CCDC18: variants seen among roughly 807,000 people sequenced by gnomAD.
CCDC18 encodes coiled-coil domain-containing protein 18.
CCDC18 carries 157 observed loss-of-function variants against 196.0 expected under a neutral mutation model. That is an observed-to-expected ratio of 0.80 (90% CI 0.70 to 0.91). CCDC18 has a LOEUF of 0.91. Among genes scored for constraint, CCDC18 ranks in the 40% least tolerant of loss-of-function variants. The pLI, the probability that CCDC18 is intolerant of heterozygous loss-of-function variation, is 0.00. For synonymous variants in CCDC18, 482 were observed against 529.2 expected (o/e 0.91, Z 1.22); for missense variants, 1,465 against 1,611.6 (o/e 0.91, Z 1.56).
At chr1:93,184,199 C>T (rs1650234741) in intron 3 of CCDC18, 53 bp downstream of exon 3, 1 of 1,078,190 alleles carries the variant, frequency 9.3e-7, no homozygotes, top group Non-Finnish European at 1.2e-6. Flanking sequence ...TTAGGCCTGT[C>T]TACTTAAAAA....
chr1:93,193,745 G>C lies in CCDC18; in HGVS notation c.698+1G>C. 6.5e-7 allele frequency: 1 copy of C among 1,546,510 alleles called. No homozygotes were observed. The highest frequency in any genetic ancestry group is 8.7e-7 in the Non-Finnish European group (1 of 1,154,046). On this transcript the variant is annotated splice_donor_variant, in intron 6 of 28. Transcript: ENST00000690025. LOFTEE classifies it high-confidence loss of function. ...TTGAACAAACCAAACAAGGAAAAAG[G>C]TATGTGTTTTTAAAGCAAATACATG...
At chr1:93,199,525 AG>A (rs1235702095) in intron 6 of CCDC18, among the ~76,000 whole-genome samples, 2 of 152,216 alleles carry the variant, frequency 1.3e-5, no homozygotes, top group Non-Finnish European at 2.9e-5. Context: ...GCTCCCCTGA[AG>A]GGCTGTAGCT....
chr1:93,240,341 G>A (rs2100839849), intron 21 of CCDC18, among the ~76,000 whole-genome samples: 1 of 152,216 alleles, frequency 6.6e-6, no homozygotes, highest in African/African-American at 2.4e-5. Context: ...AATGCCCCAA[G>A]TCATACAGGT....
Position 93,210,128 on chromosome 1 carries a change from C to A in CCDC18, c.1210-674C>A, listed in dbSNP as rs1655366340. Reference sequence around the variant, plus strand: ...GCTTGATCGTTTGTTTCTTGTAGTGCTAAGAATGACACGATTAGAAAATGT... The same window carrying A: ...GCTTGATCGTTTGTTTCTTGTAGTGATAAGAATGACACGATTAGAAAATGT... On this transcript the variant is annotated intron_variant, in intron 9 of 28. Transcript: ENST00000690025. Among the ~76,000 whole-genome samples, 6 of 152,208 alleles carry A rather than the reference C, an allele frequency of 3.9e-5. No individual in the cohort carries two copies. In the South Asian group the frequency reaches 8.3e-4, roughly 21 times the overall value.
rs1406644452 is a variant in CCDC18, at chr1:93,180,811, GCT to G, written c.-43_-42del. 10 of 1,367,690 alleles carry G rather than the reference GCT, an allele frequency of 7.3e-6. No homozygotes were observed. The highest frequency in any genetic ancestry group is 1.5e-5 in the African/African-American group (1 of 67,770). 84.7% of individuals were successfully genotyped at this position (1,367,690 alleles called of 1,614,324 possible). A position where few individuals can be genotyped will look rare whatever the true frequency, so the allele number is the denominator to read the frequency against. Reference sequence around the variant, plus strand: ...GCAGGGGCCCGGGAAAGGGTCAGAGGCTTCCTAACGCAGACTCGAGTGCGAAG... The same window carrying G: ...GCAGGGGCCCGGGAAAGGGTCAGAGGTCCTAACGCAGACTCGAGTGCGAAG... On this transcript the variant is annotated 5_prime_UTR_variant, in exon 1 of 29. Transcript: ENST00000690025.
chr1:93,221,880 A>C lies in CCDC18; in HGVS notation c.2119A>C (p.Lys707Gln), dbSNP rs1276634546. 2 of 1,602,336 alleles carry C rather than the reference A, an allele frequency of 1.2e-6. No homozygotes were observed. Among genetic ancestry groups the C allele is most frequent in the Admixed American group, 1.7e-5 (1 of 58,960 alleles). ...TTAGGAAATGAAAAAGGAAAATATG[A>C]AGAAAGATGAAGCTTTAAAAGCATT... ...SKGEMKKENM[K>Q]KDEALKALQN... Residue 707 changes from lysine to glutamine, a missense_variant, in exon 16 of 29, where the codon AAG becomes CAG. Transcript: ENST00000690025.
intron 3 of CCDC18, 48 bp downstream of exon 3, chr1:93,184,194 C>A (rs945133234): frequency 2.6e-6 from 3 of 1,168,050 alleles, no homozygotes; most frequent in Non-Finnish European, 3.4e-6. Flanking sequence ...TGGTTTTAGG[C>A]CTGTCTACTT....
rs748024897 is a variant in CCDC18 at position 93,180,742 on chromosome 1, C to T, written c.-113C>T. 13 of 1,366,814 alleles carry T rather than the reference C, an allele frequency of 9.5e-6. No homozygotes were observed. Among genetic ancestry groups the T allele is most frequent in the Non-Finnish European group, 1.3e-5 (13 of 1,021,522 alleles). The allele number at this position is 1,366,814 out of a possible 1,614,324, so 84.7% of individuals were successfully genotyped here. A position where few individuals can be genotyped will look rare whatever the true frequency, so the allele number is the denominator to read the frequency against. The stretch of plus-strand genomic sequence containing the variant: ...CCGCGGCGGTTCGAATTCTGTGCTG[C>T]CGGGGTTCGCTGGTTCTCCGAGTTG... On this transcript the variant is annotated 5_prime_UTR_variant, in exon 1 of 29. Coordinates refer to ENST00000690025, the MANE Select transcript of CCDC18 (RefSeq NM_001378204.1).
chr1:93,218,516 C>CT (rs917614192), intron 14 of CCDC18, among the ~76,000 whole-genome samples: 82 of 147,798 alleles, frequency 5.5e-4, no homozygotes, highest in Middle Eastern at 3.6e-3. Flanking sequence ...CTCCTTTGCA[C>CT]TTTTTTTTTT....
intron 4 of CCDC18, among the ~76,000 whole-genome samples, chr1:93,191,443 T>C: frequency 6.6e-6 from 1 of 152,314 alleles, no homozygotes; most frequent in East Asian, 1.9e-4. Flanking sequence ...TACAGTACCT[T>C]GTGCCTTCAT....
chr1:93,204,316 A>G (rs1654354285), intron 7 of CCDC18, among the ~76,000 whole-genome samples: 1 of 152,152 alleles, frequency 6.6e-6, no homozygotes, highest in Non-Finnish European at 1.5e-5. Flanking sequence ...GGTGGAAGGA[A>G]ATTGAACGAT....
rs1422245440 is a variant in CCDC18 at position 93,193,711 on chromosome 1, T to C, written c.665T>C (p.Val222Ala). ...ESKEECIKLK[V>A]DLLEQTKQGK... ...AAAGAGGAATGTATAAAATTAAAGG[T>C]GGACTTACTTGAACAAACCAAACAA... Residue 222 changes from valine (V) to alanine (A), a missense_variant, in exon 6 of 29, where the codon GTG becomes GCG. Transcript: ENST00000690025. The C allele has an allele frequency of 6.3e-7, 1 of 1,582,560 alleles. No individual in the cohort carries two copies. The highest frequency in any genetic ancestry group is 8.6e-7 in the Non-Finnish European group (1 of 1,168,964).
chr1:93,195,017 T>C (rs190216760), intron 6 of CCDC18, among the ~76,000 whole-genome samples: 2 of 152,242 alleles, frequency 1.3e-5, no homozygotes, highest in Non-Finnish European at 2.9e-5. Flanking sequence ...ATTACAGGCA[T>C]GCACTACCAC....
At chr1:93,236,541 A>AT (rs1349914400) in intron 19 of CCDC18, 151 bp downstream of exon 19, 7 of 717,606 alleles carry the variant, frequency 9.8e-6, no homozygotes, top group Non-Finnish European at 1.1e-5. Flanking sequence ...TATTTCCTTC[A>AT]TATCTCTCAT....
intron 4 of CCDC18, among the ~76,000 whole-genome samples, chr1:93,187,173 T>C (rs1414356355): frequency 6.6e-6 from 1 of 152,052 alleles, no homozygotes; most frequent in African/African-American, 2.4e-5. Context: ...AATTATGGTA[T>C]ACCCATAAGA....
chr1:93,244,399 C>T (rs751402240), intron 21 of CCDC18, among the ~76,000 whole-genome samples: 1 of 152,074 alleles, frequency 6.6e-6, no homozygotes, highest in Non-Finnish European at 1.5e-5. Context: ...GTCATAAAAA[C>T]GAATGAACTA....
At chr1:93,206,961 C>A (rs1182559556) in intron 8 of CCDC18, 146 bp from the exon 9 acceptor site, 2 of 491,390 alleles carry the variant, frequency 4.1e-6, no homozygotes, top group Admixed American at 3.9e-5. Flanking sequence ...GAGTGCCTGG[C>A]ATGCAGAAAG....
chr1:93,199,393 C>T (rs954971776), intron 6 of CCDC18, among the ~76,000 whole-genome samples: 2 of 152,206 alleles, frequency 1.3e-5, no homozygotes, highest in African/African-American at 2.4e-5. Flanking sequence ...CCAGGTATAG[C>T]ATAAGCAGCT....
At chr1:93,260,495 G>A (rs1256794728) in intron 26 of CCDC18, among the ~76,000 whole-genome samples, 1 of 152,006 alleles carries the variant, frequency 6.6e-6, no homozygotes, top group Non-Finnish European at 1.5e-5. Context: ...CTGTTTGGAA[G>A]TTGATAAAAA....
Sources: allele counts gnomAD v4.1 joint callset (sites outside exome capture counted in the v4.1 genomes callset), GRCh38; gene constraint gnomAD v4.1.1; transcripts MANE v1.5; gene names NCBI Gene and HGNC (gene_info 2026-07-23, HGNC 2026-07-21).